DOK7: variants seen among roughly 807,000 people sequenced by gnomAD.
The protein encoded by DOK7 is protein Dok-7.
DOK7 carries 32 observed loss-of-function variants against 30.7 expected under a neutral mutation model. The observed-to-expected ratio is 1.04, with a 90% CI of 0.79 to 1.40. DOK7 has a LOEUF of 1.40. Among genes scored for constraint, DOK7 ranks in the 40% most tolerant of loss-of-function variants. The pLI, the probability that DOK7 is intolerant of heterozygous loss-of-function variation, is 0.00. For missense variants in DOK7, 1,007 were observed against 699.2 expected, an observed-to-expected ratio of 1.44 and a Z score of -4.97; for synonymous variants, 447 against 324.1, an observed-to-expected ratio of 1.38 and a Z score of -4.07.
At chr4:3,490,986 CTCATTCATTCCTTCCTTCTTCT>C (rs1728349839) in intron 6 of DOK7, among the ~76,000 whole-genome samples, 1 of 99,522 alleles carries the variant, frequency 1.0e-5, no homozygotes, top group African/African-American at 3.4e-5. Context: ...TTCCCTCCTG[CTCATTCATTCCTTCCTTCTTCT>C]TCCTGCTCAT....
At chr4:3,491,114 CT>C (rs1272318377) in intron 6 of DOK7, among the ~76,000 whole-genome samples, 2 of 128,174 alleles carry the variant, frequency 1.6e-5, no homozygotes, top group Non-Finnish European at 3.3e-5. Context: ...CCCTCTCCCC[CT>C]GCTCGTTCAT....
At chr4:3,471,438 G>C (rs1726762023) in intron 2 of DOK7, among the ~76,000 whole-genome samples, 1 of 152,228 alleles carries the variant, frequency 6.6e-6, no homozygotes, top group Non-Finnish European at 1.5e-5. Context: ...CTCAGTGGAA[G>C]TTTCAACATG....
intron 4 of DOK7, among the ~76,000 whole-genome samples, chr4:3,478,748 G>T (rs1260023956): frequency 1.3e-5 from 2 of 152,160 alleles, no homozygotes. Context: ...AGGCTGGAAG[G>T]CTTGGCCGAG....
intron 2 of DOK7, among the ~76,000 whole-genome samples, chr4:3,466,419 A>G (rs1051189597): frequency 1.3e-5 from 2 of 151,898 alleles, no homozygotes; most frequent in Non-Finnish European, 1.5e-5. Flanking sequence ...CCTGCCCTCC[A>G]CAGCGCCTCC....
chr4:3,500,411 C>G (rs1037578504), intron 7 of DOK7: 1 of 1,535,634 alleles, frequency 6.5e-7, no homozygotes, highest in Non-Finnish European at 8.7e-7. Context: ...GAGGTGGGTC[C>G]CCGCCCTGCG....
At position 3,490,187 on chromosome 4, in the gene DOK7, C is replaced by CCG. The variant is rs1560226017; in HGVS notation, c.772+391_772+392insCG. ...CATTCATTTCTTCCTCCGCCCCCCC[C>CCG]ACTCATTCCTTCCCCCCTCATTCAT... On this transcript the variant is annotated intron_variant, in intron 6 of 6. Coordinates refer to ENST00000340083, the MANE Select transcript of DOK7 (RefSeq NM_173660.5). Among the ~76,000 whole-genome samples, 34 of 58,750 alleles carry CCG rather than the reference C, an allele frequency of 5.8e-4. 1 individual carries two copies. The highest frequency in any genetic ancestry group is 2.2e-3 in the African/African-American group (31 of 14,346). 38.5% of individuals were successfully genotyped at this position (58,750 alleles called of 152,430 possible).
chr4:3,466,524 G>A (rs1726275498), intron 2 of DOK7, among the ~76,000 whole-genome samples: 1 of 152,174 alleles, frequency 6.6e-6, no homozygotes, highest in African/African-American at 2.4e-5. Flanking sequence ...CTGCCCCAAC[G>A]GACTGGGGCT....
At chr4:3,497,185 T>A (rs1180667174), downstream of DOK7, among the ~76,000 whole-genome samples, 1 of 151,464 alleles carries the variant, frequency 6.6e-6, no homozygotes, top group Non-Finnish European at 1.5e-5. Flanking sequence ...AGACACAGAC[T>A]GGGGTCCACG....
Position 3,473,568 on chromosome 4 carries a change from T to C in DOK7, c.263T>C (p.Met88Thr). 1 of 1,609,936 alleles carries C rather than the reference T, an allele frequency of 6.2e-7. No homozygotes were observed. Among genetic ancestry groups the C allele is most frequent in the Non-Finnish European group, 8.5e-7 (1 of 1,178,876 alleles). ...ATTGTCTGCCTGTCCCAGGCCATCA[T>C]GCTGGGCTTTGACAGCCACGAGGCC... ...LAIVCLSQAI[M>T]LGFDSHEAMC... The change falls in exon 3 of 7, where the codon ATG becomes ACG. Residue 88 changes from methionine (M) to threonine (T), a missense_variant. Met to Thr is a moderately conservative substitution (Grantham distance 81). Transcript: ENST00000340083.
downstream of DOK7, among the ~76,000 whole-genome samples, chr4:3,495,994 C>T (rs1021469979): frequency 1.1e-4 from 17 of 152,222 alleles, no homozygotes; most frequent in African/African-American, 2.4e-4. Flanking sequence ...CCCCCATTTC[C>T]GGCCTCCCAG....
chr4:3,493,337 C>A lies in DOK7; in HGVS notation c.1351C>A (p.Arg451=). 1 of 1,600,090 alleles carries A rather than the reference C, an allele frequency of 6.2e-7. No individual in the cohort carries two copies. The highest frequency in any genetic ancestry group is 8.5e-7 in the Non-Finnish European group (1 of 1,173,632). The change falls in exon 7 of 7, where the codon CGG becomes AGG. Residue 451 remains arginine, a synonymous_variant. Coordinates refer to ENST00000340083, the MANE Select transcript of DOK7 (RefSeq NM_173660.5). ...TCCCTCTGGCTGGCTGGGCACGAGA[C>A]GGCGGGGCCTGGTGATGGAGGCCCC... The part of the protein sequence containing the change: ...GCPSGWLGTR[R]RGLVMEAPQG...
intron 4 of DOK7, among the ~76,000 whole-genome samples, chr4:3,481,545 C>T (rs187130095): frequency 8.1e-4 from 124 of 152,176 alleles, no homozygotes; most frequent in South Asian, 2.7e-3. Flanking sequence ...TTCCTCCACC[C>T]GAGACCCACT....
exon 8 of DOK7, chr4:3,501,004 G>A (rs1471747872): frequency 5.0e-6 from 5 of 999,684 alleles, no homozygotes; most frequent in African/African-American, 1.6e-5. Flanking sequence ...CCCACGGCCA[G>A]GCCTCCTGCC....
intron 4 of DOK7, among the ~76,000 whole-genome samples, chr4:3,485,119 C>T (rs1727682243): frequency 6.6e-6 from 1 of 152,202 alleles, no homozygotes; most frequent in Non-Finnish European, 1.5e-5. Flanking sequence ...GGTGGCAGAG[C>T]AGCCACATCC....
chr4:3,478,171 G>A (rs529796464), intron 4 of DOK7, among the ~76,000 whole-genome samples: 38 of 152,298 alleles, frequency 2.5e-4, no homozygotes, highest in African/African-American at 8.9e-4. Flanking sequence ...GTGGCGCCGC[G>A]TGCTCACCCT....
intron 2 of DOK7, among the ~76,000 whole-genome samples, chr4:3,472,144 C>T (rs1198654685): frequency 2.6e-5 from 4 of 152,250 alleles, no homozygotes; most frequent in African/African-American, 7.2e-5. Context: ...CCCCCTGGCT[C>T]TGCGGGCTGT....
Position 3,476,345 on chromosome 4 carries a change from A to C in DOK7, c.335A>C (p.His112Pro). Residue 112 changes from histidine to proline, a missense_variant, in exon 4 of 7, where the codon CAT (histidine) becomes CCT (proline). His to Pro is a moderately conservative substitution (Grantham distance 77, BLOSUM62 -2). Coordinates refer to ENST00000340083, the MANE Select transcript of DOK7 (RefSeq NM_173660.5). ...ARIRYALGEV[H>P]RFHVTVAPGT... ...CTCTTGCCCCGCCTGCCCGCAGTGC[A>C]TAGGTTCCATGTGACAGTGGCTCCA... 2 of 1,524,494 alleles carry C rather than the reference A, an allele frequency of 1.3e-6. No homozygotes were observed. Among genetic ancestry groups the C allele is most frequent in the Admixed American group, 1.8e-5 (1 of 55,398 alleles). The allele number at this position is 1,524,494 out of a possible 1,614,324, so 94.4% of individuals were successfully genotyped here. A position where few individuals can be genotyped will look rare whatever the true frequency, so the allele number is the denominator to read the frequency against.
rs1176445257 is a variant in DOK7, at chr4:3,492,990, C to T, written c.1004C>T (p.Ser335Phe). The T allele has an allele frequency of 1.3e-6, 2 of 1,557,924 alleles. No individual in the cohort carries two copies. Among genetic ancestry groups the T allele is most frequent in the Admixed American group, 1.9e-5 (1 of 52,828 alleles). The part of the protein sequence containing the change: ...RQLQEVGRQS[S>F]SDSGIATGSH... ...CTGCAGGAGGTTGGCCGCCAGAGCT[C>T]CTCGGACAGCGGCATCGCCACTGGC... Residue 335 changes from serine (S) to phenylalanine (F), a missense_variant, in exon 7 of 7, where the codon TCC (serine) becomes TTC (phenylalanine). Physicochemically the swap from Ser to Phe is radical, Grantham distance 155. Transcript: ENST00000340083.
At chr4:3,487,430 C>G (rs1471651281) in intron 5 of DOK7, among the ~76,000 whole-genome samples, 1 of 152,254 alleles carries the variant, frequency 6.6e-6, no homozygotes, top group East Asian at 1.9e-4. Context: ...TTCTGCCGTC[C>G]TCCTGTGCTG....
Sources: gnomAD v4.1 joint callset for allele counts (sites outside exome capture counted in the v4.1 genomes callset) on GRCh38, gnomAD v4.1.1 for gene constraint, MANE v1.5 for transcripts, NCBI Gene and HGNC (gene_info 2026-07-23, HGNC 2026-07-21) for gene names.